Variants in NOTCH2 observed in about 807,000 individuals in gnomAD.
The protein encoded by NOTCH2 is neurogenic locus notch homolog protein 2.
NOTCH2 carries 29 observed loss-of-function variants against 235.8 expected under a neutral mutation model. The ratio of observed to expected loss-of-function variants is 0.12; its 90% CI spans 0.09 to 0.17. The LOEUF (loss-of-function observed/expected upper bound fraction) is 0.17. Among genes scored for constraint, NOTCH2 ranks in the 10% least tolerant of loss-of-function variants. NOTCH2 has a pLI of 1.00. For missense variants in NOTCH2, 2,285 were observed against 3,150.2 expected, an observed-to-expected ratio of 0.73 and a Z score of 6.57; for synonymous variants, 1,086 against 1,141.5, an observed-to-expected ratio of 0.95 and a Z score of 0.98.
intron 16 of NOTCH2, 96 bp downstream of exon 16, chr1:119,948,911 T>A: frequency 1.3e-6 from 2 of 1,492,364 alleles, no homozygotes; most frequent in Non-Finnish European, 1.9e-6. Context: ...ACAGGCCTCA[T>A]AAGACCAGCA....
chr1:119,967,605 A>G lies in NOTCH2; in HGVS notation c.1281T>C (p.Cys427=), dbSNP rs1170303070. ...DECAMANSNP[C]EHAGKCVNTD... Reference sequence around the variant, plus strand: ...TGTTCACACATTTTCCTGCATGCTCACAAGGATTGCTATTGGCTGAAAGAC... The same window carrying G: ...TGTTCACACATTTTCCTGCATGCTCGCAAGGATTGCTATTGGCTGAAAGAC... Residue 427 remains cysteine (C), a synonymous_variant, in exon 8 of 34, where the codon TGT becomes TGC. Coordinates refer to ENST00000256646, the MANE Select transcript of NOTCH2 (RefSeq NM_024408.4). 7.9e-5 allele frequency: 127 copies of G among 1,613,984 alleles called. No individual in the cohort carries two copies. Among genetic ancestry groups the G allele is most frequent in the Non-Finnish European group, 1.0e-4 (123 of 1,179,952 alleles).
intron 4 of NOTCH2, among the ~76,000 whole-genome samples, chr1:119,987,374 T>C: frequency 6.6e-6 from 1 of 152,180 alleles, no homozygotes; most frequent in East Asian, 1.9e-4. Flanking sequence ...AAATGTCTAC[T>C]TGGGACAGAG....
At chr1:119,924,164 C>G (rs1649384559) in intron 25 of NOTCH2, among the ~76,000 whole-genome samples, 180 bp from the exon 26 acceptor site, 1 of 152,204 alleles carries the variant, frequency 6.6e-6, no homozygotes, top group African/African-American at 2.4e-5. Flanking sequence ...TGCCACTCAT[C>G]CTTGTTGAGT....
At chr1:119,965,419 C>A (rs782027125) in intron 10 of NOTCH2, 34 bp downstream of exon 10, 3 of 1,516,384 alleles carry the variant, frequency 2.0e-6, no homozygotes, top group Non-Finnish European at 2.7e-6. Context: ...TCAGATGGAC[C>A]TACCAAGGAG....
intron 17 of NOTCH2, among the ~76,000 whole-genome samples, chr1:119,944,533 T>TCAAAAAAAAAAAA (rs1650185358): frequency 1.6e-5 from 1 of 63,186 alleles, no homozygotes; most frequent in Non-Finnish European, 3.1e-5. Flanking sequence ...AGACTCAGTC[T>TCAAAAAAAAAAAA]AAAAAAAAAA....
intron 2 of NOTCH2, among the ~76,000 whole-genome samples, chr1:120,015,283 C>T (rs1156645253): frequency 1.3e-5 from 2 of 152,194 alleles, no homozygotes; most frequent in Non-Finnish European, 2.9e-5. Flanking sequence ...GCTTTCAACC[C>T]ACTTTCTTCT....
At chr1:119,974,086 A>C (rs932014987) in intron 5 of NOTCH2, among the ~76,000 whole-genome samples, 1 of 152,166 alleles carries the variant, frequency 6.6e-6, no homozygotes, top group Non-Finnish European at 1.5e-5. Context: ...AGGAGAGAGC[A>C]CTAAGTTATA....
At chr1:119,984,617 C>T (rs897664894) in intron 5 of NOTCH2, among the ~76,000 whole-genome samples, 1 of 152,080 alleles carries the variant, frequency 6.6e-6, no homozygotes, top group Non-Finnish European at 1.5e-5. Flanking sequence ...AGCCCTATGA[C>T]ACAAAATTTT....
chr1:119,949,780 T>TAG (rs1408878463), intron 15 of NOTCH2, among the ~76,000 whole-genome samples: 3 of 152,132 alleles, frequency 2.0e-5, no homozygotes, highest in African/African-American at 7.2e-5. Context: ...CTACACAACT[T>TAG]AGAGTCACTA....
Position 119,913,935 on chromosome 1 carries a change from A to T in NOTCH2, c.*1371T>A, listed in dbSNP as rs916626898. 8.6e-6 allele frequency: 2 copies of T among 232,952 alleles called. No individual in the cohort carries two copies. Among genetic ancestry groups the T allele is most frequent in the African/African-American group, 4.4e-5 (2 of 45,344 alleles). 14.4% of individuals were successfully genotyped at this position (232,952 alleles called of 1,614,324 possible). ...CTTTCCAATTCCTGCACTTGAACAT[A>T]TAAAGTCCATGTCTTCAGTGAGAAC... On this transcript the variant is annotated 3_prime_UTR_variant, in exon 34 of 34. Transcript: ENST00000256646.
In NOTCH2 at chr1:119,923,784, G is replaced by C; in HGVS notation, c.4712C>G (p.Thr1571Ser). ...DARSFLRALG[T>S]LLHTNLRIKR... ...AATGCGCAGGTTGGTGTGGAGCAGG[G>C]TACCCAGTGCCCGCAAGAAGCTGCG... The change falls in exon 26 of 34, where the codon ACC (threonine) becomes AGC (serine). Residue 1571 changes from threonine to serine, a missense_variant. Physicochemically the swap from Thr to Ser is moderately conservative, Grantham distance 58. This residue lies in a region of NOTCH2 where 1,173 missense variants were observed against 1,515.3 expected (regional missense o/e 0.77). Transcript: ENST00000256646. The C allele has an allele frequency of 6.2e-7, 1 of 1,614,168 alleles. No homozygotes were observed. Among genetic ancestry groups the C allele is most frequent in the South Asian group, 1.1e-5 (1 of 91,088 alleles).
At position 119,915,598 on chromosome 1, in the gene NOTCH2, G is replaced by A. The variant is rs1649036621; in HGVS notation, c.7124C>T (p.Pro2375Leu). The A allele has an allele frequency of 6.2e-7, 1 of 1,614,030 alleles. No homozygotes were observed. Among genetic ancestry groups the A allele is most frequent in the Non-Finnish European group, 8.5e-7 (1 of 1,180,042 alleles). Residue 2375 changes from proline (P) to leucine (L), a missense_variant, in exon 34 of 34, where the codon CCT becomes CTT. This residue lies in a region of NOTCH2 where 504 missense variants were observed against 538.0 expected (regional missense o/e 0.94). Transcript: ENST00000256646. Reference sequence around the variant, plus strand: ...GTACTTGCCCACAGAGGCTGGGAAAGGATGATAGGCTGGGAGAATGGTCTG... The same window carrying A: ...GTACTTGCCCACAGAGGCTGGGAAAAGATGATAGGCTGGGAGAATGGTCTG... ...VAQTILPAYH[P>L]FPASVGKYPT... is the part of the protein sequence containing the mutation.
rs747975714 is a variant in NOTCH2, at chr1:119,915,845, G to A, written c.6877C>T (p.His2293Tyr). Residue 2293 changes from histidine (H) to tyrosine (Y), a missense_variant, in exon 34 of 34, where the codon CAC (histidine) becomes TAC (tyrosine). By Grantham distance (83) the His-to-Tyr change is moderately conservative. This residue lies in a region of NOTCH2 where 504 missense variants were observed against 538.0 expected (regional missense o/e 0.94). Transcript: ENST00000256646. Reference protein sequence around the residue: ...APQSRPPEGKHITTPREPLPP... With the variant: ...APQSRPPEGKYITTPREPLPP... ...AAGGGCTCCCGAGGGGTGGTTATGT[G>A]CTTCCCTTCAGGTGGCCTGCTCTGG... The A allele has an allele frequency of 2.5e-6, 4 of 1,614,152 alleles. 1 individual carries two copies. In the South Asian group the frequency reaches 4.4e-5, roughly 18 times the overall value.
In NOTCH2 at chr1:119,915,942, A is replaced by G. The variant is rs767185818; in HGVS notation, c.6780T>C (p.Asn2260=). ...CAAACATCTCATTGTACTGGGTCTC[A>G]TTCACCTCCATGCGGTTCATCCAAT... is the stretch of plus-strand genomic sequence containing the variant. ...PADWMNRMEV[N]ETQYNEMFGM... is the part of the protein sequence containing the mutation. The change falls in exon 34 of 34, where the codon AAT becomes AAC. Residue 2260 remains asparagine, a synonymous_variant. Transcript: ENST00000256646. 1 of 1,614,098 alleles carries G rather than the reference A, an allele frequency of 6.2e-7. No homozygotes were observed. Among genetic ancestry groups the G allele is most frequent in the Non-Finnish European group, 8.5e-7 (1 of 1,180,004 alleles).
At position 120,069,374 on chromosome 1, in the gene NOTCH2, C is replaced by T. The variant is rs782675355; in HGVS notation, c.33G>A (p.Ala11=). 36 of 1,569,082 alleles carry T rather than the reference C, an allele frequency of 2.3e-5. No homozygotes were observed. Among genetic ancestry groups the T allele is most frequent in the Non-Finnish European group, 3.0e-5 (35 of 1,166,210 alleles). ...CGCAGCACAGCCAGAGCGCCAGCAG[C>T]GCCCACAGCAGAGCGGGGCGCAGGG... The part of the protein sequence containing the change: MPALRPALLW[A]LLALWLCCAA... The change falls in exon 1 of 34, where the codon GCG becomes GCA. Residue 11 remains alanine (A), a synonymous_variant. Transcript: ENST00000256646.
intron 15 of NOTCH2, 81 bp downstream of exon 15, chr1:119,950,643 G>C: frequency 1.1e-6 from 1 of 871,180 alleles, no homozygotes; most frequent in Non-Finnish European, 2.0e-6. Context: ...CAGCCCCACA[G>C]ACCTGGGCAC....
intron 2 of NOTCH2, among the ~76,000 whole-genome samples, chr1:120,006,023 T>A (rs587726344): frequency 2.3e-4 from 34 of 150,558 alleles, no homozygotes; most frequent in African/African-American, 7.3e-4. Context: ...ATATAATGCA[T>A]GAACTTGACC....
chr1:119,937,503 A>C (rs2101099313), intron 20 of NOTCH2, 37 bp from the exon 21 acceptor site: 3 of 1,576,456 alleles, frequency 1.9e-6, no homozygotes, highest in Non-Finnish European at 2.6e-6. Context: ...TCATAGAAGA[A>C]CATGTGACAC....
intron 19 of NOTCH2, among the ~76,000 whole-genome samples, chr1:119,938,498 A>G (rs1649944355): frequency 6.6e-6 from 1 of 152,180 alleles, no homozygotes; most frequent in African/African-American, 2.4e-5. Context: ...TGGCAGGTCA[A>G]GTCAAGGAAT....
Sources: allele counts gnomAD v4.1 joint callset (sites outside exome capture counted in the v4.1 genomes callset), GRCh38; gene constraint gnomAD v4.1.1; regional missense constraint gnomAD v4.1.1; transcripts MANE v1.5; gene names NCBI Gene and HGNC (gene_info 2026-07-23, HGNC 2026-07-21).